The following SAMD5 variants were observed in gnomAD, a reference collection of about 807,000 sequenced individuals.
The protein encoded by SAMD5 is sterile alpha motif domain containing 5.
SAMD5 carries 13 observed loss-of-function variants against 11.3 expected under a neutral mutation model. The ratio of observed to expected loss-of-function variants is 1.15; its 90% confidence interval spans 0.75 to 1.83. The LOEUF (loss-of-function observed/expected upper bound fraction) is 1.83. SAMD5 is among the 40% of genes most tolerant of loss of function. The pLI is 0.00. For missense variants in SAMD5, 255 were observed against 239.1 expected, an observed-to-expected ratio of 1.07 and a Z score of -0.44; for synonymous variants, 129 against 111.3, an observed-to-expected ratio of 1.16 and a Z score of -1.00.
rs1021561426 is a variant in SAMD5 at position 147,533,349 on chromosome 6, C to T, written c.459+23962C>T. Among the ~76,000 whole-genome samples the T allele has an allele frequency of 9.9e-5, 15 of 151,182 alleles. 1 individual carries two copies. The highest frequency in any genetic ancestry group is 2.9e-4 in the African/African-American group (12 of 41,090). On this transcript the variant is annotated intron_variant, in intron 1 of 1. Coordinates refer to ENST00000367474, the MANE Select transcript of SAMD5 (RefSeq NM_001030060.3). ...CAGTGGCTCCTGCCTGTAATTTCAG[C>T]TACTCCGGAGGCTGAGGCAGGAGAA...
chr6:147,700,508 A>C (rs1276203091), intron 1 of SAMD5, among the ~76,000 whole-genome samples: 1 of 152,188 alleles, frequency 6.6e-6, no homozygotes, highest in African/African-American at 2.4e-5. Flanking sequence ...GTGACACTGT[A>C]AACTACTGTG....
At chr6:147,730,986 A>G (rs976866687) in intron 1 of SAMD5, among the ~76,000 whole-genome samples, 1 of 152,228 alleles carries the variant, frequency 6.6e-6, no homozygotes, top group Non-Finnish European at 1.5e-5. Flanking sequence ...AGTAACCATG[A>G]CAATAATAGG....
chr6:147,861,916 G>T, the SAMD5 span, among the ~76,000 whole-genome samples: 3 of 152,320 alleles, frequency 2.0e-5, no homozygotes, highest in African/African-American at 7.2e-5. Context: ...GCCCAGCTGA[G>T]CATAGCGCCT....
At chr6:147,570,743 T>C (rs1789124500), downstream of SAMD5, among the ~76,000 whole-genome samples, 1 of 152,134 alleles carries the variant, frequency 6.6e-6, no homozygotes, top group African/African-American at 2.4e-5. Flanking sequence ...AAATATATGG[T>C]AAATATTAGG....
chr6:147,650,548 C>T (rs374036100), intron 1 of SAMD5, among the ~76,000 whole-genome samples: 35 of 152,258 alleles, frequency 2.3e-4, no homozygotes, highest in South Asian at 6.2e-4. Context: ...CCTAAGGACA[C>T]GGGCATGTTT....
chr6:147,712,102 A>G (rs1209048411), intron 1 of SAMD5, among the ~76,000 whole-genome samples: 2 of 152,232 alleles, frequency 1.3e-5, no homozygotes, highest in Non-Finnish European at 2.9e-5. Flanking sequence ...ATTAAAATGC[A>G]TAATATTTTG....
intron 1 of SAMD5, among the ~76,000 whole-genome samples, chr6:147,577,831 A>G (rs1483752337): frequency 6.6e-6 from 1 of 151,566 alleles, no homozygotes; most frequent in Non-Finnish European, 1.5e-5. Flanking sequence ...GAGTGTTTTT[A>G]AAAAGGCTGT....
At chr6:147,797,830 T>C in the SAMD5 span, among the ~76,000 whole-genome samples, 2 of 150,452 alleles carry the variant, frequency 1.3e-5, no homozygotes, top group Admixed American at 1.3e-4. Flanking sequence ...TATCCATTTC[T>C]TCTAGATTTT....
chr6:147,823,810 G>C, the SAMD5 span, among the ~76,000 whole-genome samples: 1 of 152,108 alleles, frequency 6.6e-6, no homozygotes, highest in Non-Finnish European at 1.5e-5. Context: ...TAATAAAACA[G>C]TAATGCCGAC....
chr6:147,678,945 A>G (rs1172855325), intron 1 of SAMD5, among the ~76,000 whole-genome samples: 1 of 152,162 alleles, frequency 6.6e-6, no homozygotes, highest in African/African-American at 2.4e-5. Context: ...GTATTGTTGT[A>G]TGTCTCAATA....
At chr6:147,843,033 T>C in the SAMD5 span, among the ~76,000 whole-genome samples, 1 of 152,178 alleles carries the variant, frequency 6.6e-6, no homozygotes, top group Non-Finnish European at 1.5e-5. Context: ...CTAATTGTTG[T>C]ATTTTTAGTA....
chr6:147,618,622 G>A (rs924695096), intron 1 of SAMD5, among the ~76,000 whole-genome samples: 1 of 152,210 alleles, frequency 6.6e-6, no homozygotes, highest in South Asian at 2.1e-4. Context: ...GTGAGGAGAC[G>A]GAGAGTACCA....
chr6:147,583,464 A>T (rs1419510114), intron 1 of SAMD5, among the ~76,000 whole-genome samples: 2 of 152,208 alleles, frequency 1.3e-5, no homozygotes, highest in African/African-American at 4.8e-5. Context: ...TTTTTCTACA[A>T]TCAGTTGTCA....
exon 2 of SAMD5, chr6:147,737,383 A>G (rs1445606314): frequency 3.3e-6 from 4 of 1,229,146 alleles, no homozygotes; most frequent in Non-Finnish European, 3.2e-6. Context: ...GAATTTAATC[A>G]TCTCAATCCC....
the SAMD5 span, among the ~76,000 whole-genome samples, chr6:147,752,650 A>G: frequency 6.6e-6 from 1 of 152,192 alleles, no homozygotes; most frequent in Non-Finnish European, 1.5e-5. Flanking sequence ...AGGCTGCATA[A>G]TAGCCTCTAA....
intron 1 of SAMD5, among the ~76,000 whole-genome samples, chr6:147,599,063 G>A (rs1222198585): frequency 2.6e-5 from 4 of 152,202 alleles, no homozygotes; most frequent in African/African-American, 7.2e-5. Flanking sequence ...GAACCACAGC[G>A]GTGGAAGTTG....
intron 1 of SAMD5, among the ~76,000 whole-genome samples, chr6:147,561,186 AATTT>A (rs753629830): frequency 6.6e-6 from 1 of 151,898 alleles, no homozygotes; most frequent in African/African-American, 2.4e-5. Context: ...GGCTTTTATG[AATTT>A]ATTTATTTAT....
chr6:147,833,739 A>C, the SAMD5 span, among the ~76,000 whole-genome samples: 1 of 152,188 alleles, frequency 6.6e-6, no homozygotes, highest in Non-Finnish European at 1.5e-5. Context: ...TATTTTCTTC[A>C]ATTTGTGTCT....
chr6:147,651,505 G>A (rs747810132), intron 1 of SAMD5, among the ~76,000 whole-genome samples: 1 of 152,088 alleles, frequency 6.6e-6, no homozygotes, highest in Non-Finnish European at 1.5e-5. Flanking sequence ...AGGTCATGAG[G>A]GAAGTGCTCT....
Sources: allele counts gnomAD v4.1 joint callset (sites outside exome capture counted in the v4.1 genomes callset), GRCh38; gene constraint gnomAD v4.1.1; transcripts MANE v1.5; gene names NCBI Gene and HGNC (gene_info 2026-07-23, HGNC 2026-07-21).